NELL1: variants seen among roughly 807,000 people sequenced by gnomAD.
The protein encoded by NELL1 is neural EGFL like 1, also known as protein kinase C-binding protein NELL1.
In NELL1, 76 loss-of-function variants were observed where a neutral mutation model predicts 107.4. The observed-to-expected ratio is 0.71, with a 90% CI of 0.59 to 0.86. The LOEUF is 0.86. Among genes scored for constraint, NELL1 ranks in the 40% least tolerant of loss-of-function variants. The pLI, the probability that NELL1 is intolerant of heterozygous loss-of-function variation, is 0.00. For missense variants in NELL1, 1,024 were observed against 1,005.5 expected, an observed-to-expected ratio of 1.02 and a Z score of -0.25; for synonymous variants, 353 against 341.2, an observed-to-expected ratio of 1.03 and a Z score of -0.38.
intron 15 of NELL1, among the ~76,000 whole-genome samples, chr11:21,440,421 A>T (rs932253052): frequency 2.0e-5 from 3 of 152,162 alleles, no homozygotes; most frequent in Non-Finnish European, 2.9e-5. Flanking sequence ...TCTGCATTTA[A>T]AAGTATTTAT....
intron 12 of NELL1, among the ~76,000 whole-genome samples, chr11:21,021,267 C>G (rs1356697720): frequency 7.3e-6 from 1 of 137,550 alleles, no homozygotes; most frequent in Non-Finnish European, 1.6e-5. Context: ...TGAAGCTTGG[C>G]TTGATGGGGC....
At chr11:21,130,360 G>C (rs189301243) in intron 13 of NELL1, among the ~76,000 whole-genome samples, 89 of 152,188 alleles carry the variant, frequency 5.8e-4, no homozygotes, top group Non-Finnish European at 1.1e-3. Flanking sequence ...ATCTAATAAG[G>C]TTTTACTAAT....
At chr11:20,718,670 C>T (rs1250364546) in intron 2 of NELL1, among the ~76,000 whole-genome samples, 1 of 152,070 alleles carries the variant, frequency 6.6e-6, no homozygotes, top group Non-Finnish European at 1.5e-5. Context: ...TATTGCTAGT[C>T]TTCAGACTGG....
intron 5 of NELL1, among the ~76,000 whole-genome samples, chr11:20,915,717 A>ATATATATATATTTTTTTTTTT: frequency 1.2e-4 from 7 of 58,220 alleles, no homozygotes; most frequent in African/African-American, 5.3e-4. Context: ...ATATATATAT[A>ATATATATATATTTTTTTTTTT]TTTTTTTTTT....
At chr11:21,413,778 G>T (rs962320080) in intron 15 of NELL1, among the ~76,000 whole-genome samples, 1 of 151,978 alleles carries the variant, frequency 6.6e-6, no homozygotes, top group Non-Finnish European at 1.5e-5. Context: ...TGAGGGTATG[G>T]CAAGATCTCA....
chr11:20,960,081 T>A (rs1328309779), intron 11 of NELL1, among the ~76,000 whole-genome samples: 1 of 151,972 alleles, frequency 6.6e-6, no homozygotes, highest in Non-Finnish European at 1.5e-5. Flanking sequence ...TTCATATATA[T>A]TAATTTTATT....
At chr11:21,205,086 G>C (rs1355067380) in intron 13 of NELL1, among the ~76,000 whole-genome samples, 1 of 152,136 alleles carries the variant, frequency 6.6e-6, no homozygotes, top group Non-Finnish European at 1.5e-5. Context: ...GAGACATGGG[G>C]GTCAGGGACC....
intron 3 of NELL1, among the ~76,000 whole-genome samples, chr11:20,811,410 GT>G (rs1857499564): frequency 2.6e-5 from 4 of 151,836 alleles, no homozygotes; most frequent in African/African-American, 9.7e-5. Context: ...GCTCAAGATT[GT>G]TTTGGCTATT....
chr11:21,543,566 G>A (rs1033604385), intron 16 of NELL1, among the ~76,000 whole-genome samples: 1 of 151,832 alleles, frequency 6.6e-6, no homozygotes, highest in African/African-American at 2.4e-5. Flanking sequence ...AGCTCTTCTG[G>A]GTCCCCCAGA....
intron 2 of NELL1, among the ~76,000 whole-genome samples, chr11:20,690,199 T>A (rs1199860391): frequency 6.6e-6 from 1 of 152,188 alleles, no homozygotes; most frequent in Admixed American, 6.5e-5. Context: ...GTCAGATGAG[T>A]AGGTTGTGAA....
chr11:20,877,072 G>A (rs200945219), intron 4 of NELL1, among the ~76,000 whole-genome samples: 1 of 152,144 alleles, frequency 6.6e-6, no homozygotes, highest in East Asian at 1.9e-4. Context: ...TCATGTGCAA[G>A]GTCACCCATT....
At chr11:21,036,377 A>G (rs1853093287) in intron 12 of NELL1, among the ~76,000 whole-genome samples, 1 of 152,192 alleles carries the variant, frequency 6.6e-6, no homozygotes, top group African/African-American at 2.4e-5. Context: ...GAGCTAGAGA[A>G]AACTATTTTA....
chr11:20,803,885 AAG>A (rs893716573), intron 3 of NELL1, among the ~76,000 whole-genome samples: 1 of 152,072 alleles, frequency 6.6e-6, no homozygotes, highest in African/African-American at 2.4e-5. Flanking sequence ...AAAATGTGAA[AAG>A]AGAGACTGGC....
At chr11:21,352,787 A>T (rs1850847500) in intron 14 of NELL1, among the ~76,000 whole-genome samples, 1 of 152,188 alleles carries the variant, frequency 6.6e-6, no homozygotes, top group Non-Finnish European at 1.5e-5. Flanking sequence ...AGAAAGAAAG[A>T]ATATAGTCCT....
chr11:21,535,899 T>C (rs1856124247), intron 16 of NELL1, among the ~76,000 whole-genome samples: 1 of 152,200 alleles, frequency 6.6e-6, no homozygotes, highest in Non-Finnish European at 1.5e-5. Context: ...CAGCTCATTG[T>C]AAATCAATGT....
intron 10 of NELL1, among the ~76,000 whole-genome samples, chr11:20,943,583 A>G (rs1850902506): frequency 6.6e-6 from 1 of 151,178 alleles, no homozygotes; most frequent in Non-Finnish European, 1.5e-5. Flanking sequence ...CCCCATTTCA[A>G]AAAAAAAACC....
chr11:21,518,388 T>G (rs1855627711), intron 15 of NELL1, among the ~76,000 whole-genome samples: 1 of 152,204 alleles, frequency 6.6e-6, no homozygotes, highest in Admixed American at 6.5e-5. Context: ...CCTCCTTGTT[T>G]CATTTGGAGG....
chr11:21,094,858 A>C (rs751296999), intron 12 of NELL1, among the ~76,000 whole-genome samples: 7 of 152,146 alleles, frequency 4.6e-5, no homozygotes, highest in Non-Finnish European at 7.4e-5. Context: ...TGCTGTGAAG[A>C]CTTCTGACAT....
chr11:21,110,792 G>GC (rs1855088097), intron 12 of NELL1, among the ~76,000 whole-genome samples: 1 of 152,152 alleles, frequency 6.6e-6, no homozygotes, highest in South Asian at 2.1e-4. Flanking sequence ...TTAGCCTTCA[G>GC]CGTACTCTGC....
Sources: gnomAD v4.1 joint callset for allele counts (sites outside exome capture counted in the v4.1 genomes callset) on GRCh38, gnomAD v4.1.1 for gene constraint, MANE v1.5 for transcripts, NCBI Gene and HGNC (gene_info 2026-07-23, HGNC 2026-07-21) for gene names.